ALDH9A1: variants seen among roughly 807,000 people sequenced by gnomAD.
ALDH9A1 encodes aldehyde dehydrogenase 9 family member A1.
Under a neutral mutation model 56.6 loss-of-function variants are expected in ALDH9A1, and 42 were observed. The observed-to-expected ratio is 0.74, with a 90% CI of 0.58 to 0.96. The LOEUF (loss-of-function observed/expected upper bound fraction) is 0.96, where lower values mean the gene tolerates loss of function less well. ALDH9A1 is among the 40% of genes least tolerant of loss of function. The pLI, the probability that ALDH9A1 is intolerant of heterozygous loss-of-function variation, is 0.00. For missense variants in ALDH9A1, 661 were observed against 651.5 expected (o/e 1.01, Z -0.16); for synonymous variants, 242 against 236.0 (o/e 1.03, Z -0.23).
At chr1:165,690,451 T>G (rs550773605) in intron 2 of ALDH9A1, among the ~76,000 whole-genome samples, 1 of 152,260 alleles carries the variant, frequency 6.6e-6, no homozygotes, top group South Asian at 2.1e-4. Context: ...GAGTCCAGAA[T>G]CAAGATGGCC....
chr1:165,695,169 T>C (rs2101760182), intron 2 of ALDH9A1, 83 bp downstream of exon 2: 2 of 1,433,382 alleles, frequency 1.4e-6, no homozygotes, highest in Non-Finnish European at 1.9e-6. Flanking sequence ...CGGCCTAATG[T>C]TGCAACAAAG....
intron 2 of ALDH9A1, among the ~76,000 whole-genome samples, chr1:165,684,842 A>G (rs919692478): frequency 3.3e-5 from 5 of 151,680 alleles, no homozygotes; most frequent in Non-Finnish European, 5.9e-5. Flanking sequence ...GAGAATAGAA[A>G]CTTTTACTCT....
intron 6 of ALDH9A1, among the ~76,000 whole-genome samples, chr1:165,677,516 G>A (rs749032377): frequency 8.5e-5 from 13 of 152,088 alleles, no homozygotes; most frequent in Non-Finnish European, 1.8e-4. Flanking sequence ...ATATCAAAAG[G>A]TCACGGAAAG....
At chr1:165,673,110 A>AAC in intron 6 of ALDH9A1, among the ~76,000 whole-genome samples, 1 of 124,118 alleles carries the variant, frequency 8.1e-6, no homozygotes. Flanking sequence ...GCAAAAAAAA[A>AAC]AAAAAAAAAC....
At chr1:165,681,978 A>C in intron 4 of ALDH9A1, 129 bp downstream of exon 4, 3 of 1,281,496 alleles carry the variant, frequency 2.3e-6, no homozygotes, top group Non-Finnish European at 3.2e-6. Flanking sequence ...TGAGGCTTTG[A>C]ATATCCCAGA....
rs867115485 is a variant in ALDH9A1, at chr1:165,679,507, A to AG, written c.864dup (p.Ser289LeufsTer4). On this transcript the variant is annotated frameshift_variant, in exon 6 of 11. Transcript: ENST00000354775. LOFTEE classifies it high-confidence loss of function. The stretch of plus-strand genomic sequence containing the variant: ...ACAGCATTGTTCATATCACAGTCTG[A>AG]GAAGATGATGAGTGGAGATTTGCCT... The AG allele has an allele frequency of 1.9e-6, 3 of 1,614,076 alleles. No homozygotes were observed. Among genetic ancestry groups the AG allele is most frequent in the Non-Finnish European group, 2.5e-6 (3 of 1,180,032 alleles).
In ALDH9A1 at chr1:165,662,996, C is replaced by A; in HGVS notation, c.*54G>T. 2 of 1,488,352 alleles carry A rather than the reference C, an allele frequency of 1.3e-6. No individual in the cohort carries two copies. Among genetic ancestry groups the A allele is most frequent in the Non-Finnish European group, 1.9e-6 (2 of 1,065,796 alleles). The allele number at this position is 1,488,352 out of a possible 1,614,324, so 92.2% of individuals were successfully genotyped here. On this transcript the variant is annotated 3_prime_UTR_variant, in exon 11 of 11. Coordinates refer to ENST00000354775, the MANE Select transcript of ALDH9A1 (RefSeq NM_000696.4). Reference sequence around the variant, plus strand: ...AGTTGTACTGCCTCTGTAAACAGGGCCAATTCACATCATTCCACAGCGTGG... The same window carrying A: ...AGTTGTACTGCCTCTGTAAACAGGGACAATTCACATCATTCCACAGCGTGG...
Position 165,695,326 on chromosome 1 carries a change from C to A in ALDH9A1, c.253G>T (p.Ala85Ser). The A allele has an allele frequency of 6.2e-7, 1 of 1,613,342 alleles. No individual in the cohort carries two copies. Among genetic ancestry groups the A allele is most frequent in the Non-Finnish European group, 8.5e-7 (1 of 1,179,644 alleles). The change falls in exon 2 of 11, where the codon GCT (alanine) becomes TCT (serine). Residue 85 changes from alanine to serine, a missense_variant. Ala to Ser is a moderately conservative substitution (Grantham distance 99, BLOSUM62 1). Coordinates refer to ENST00000354775, the MANE Select transcript of ALDH9A1 (RefSeq NM_000696.4). ...VNLAVQNAKA[A>S]FKIWSQKSGM... The stretch of plus-strand genomic sequence containing the variant: ...GATTTTTGACTCCATATTTTAAAAG[C>A]AGCCTTTGCATTTTGAACAGCCAAA...
In ALDH9A1 at chr1:165,665,051, C is replaced by G; in HGVS notation, c.1429G>C (p.Val477Leu). The G allele has an allele frequency of 1.9e-6, 3 of 1,614,014 alleles. No individual in the cohort carries two copies. Among genetic ancestry groups the G allele is most frequent in the Non-Finnish European group, 2.5e-6 (3 of 1,179,924 alleles). Residue 477 changes from valine to leucine, a missense_variant, in exon 10 of 11, where the codon GTG becomes CTG. Val to Leu is a conservative substitution (Grantham distance 32, BLOSUM62 1). Transcript: ENST00000354775. Reference sequence around the variant, plus strand: ...TTATATCCACCAAAGGGCAACTCCACTGGGCTGACGTTATAGTTGTTAATG... The same window carrying G: ...TTATATCCACCAAAGGGCAACTCCAGTGGGCTGACGTTATAGTTGTTAATG... ...CFINNYNVSP[V>L]ELPFGGYKKS...
rs1571175018 is a variant in ALDH9A1, at chr1:165,679,666, T to C, written c.790-84A>G. On this transcript the variant is annotated intron_variant, in intron 5 of 10. Coordinates refer to ENST00000354775, the MANE Select transcript of ALDH9A1 (RefSeq NM_000696.4). The stretch of plus-strand genomic sequence containing the variant: ...TCAACTAGGCCCTGAACCTACAAAA[T>C]CATCTTGAACTGTTTGTGACCTGTA... The C allele has an allele frequency of 2.8e-6, 4 of 1,436,982 alleles. No homozygotes were observed. In the African/African-American group the frequency reaches 4.2e-5, roughly 15 times the overall value. The allele number at this position is 1,436,982 out of a possible 1,614,324, so 89.0% of individuals were successfully genotyped here. A position where few individuals can be genotyped will look rare whatever the true frequency, so the allele number is the denominator to read the frequency against.
rs1648971922 is a variant in ALDH9A1 at position 165,665,236 on chromosome 1, T to C, written c.1350-106A>G. On this transcript the variant is annotated intron_variant, in intron 9 of 10. Coordinates refer to ENST00000354775, the MANE Select transcript of ALDH9A1 (RefSeq NM_000696.4). ...CTAGGGTTCTCAAATCTTACTAAAT[T>C]CTCATTTCTTCAAAATGTTTTAAAA... is the stretch of plus-strand genomic sequence containing the variant. 17 of 842,096 alleles carry C rather than the reference T, an allele frequency of 2.0e-5. No homozygotes were observed. In the South Asian group the frequency reaches 2.8e-4, roughly 14 times the overall value. The allele number at this position is 842,096 out of a possible 1,614,324, so 52.2% of individuals were successfully genotyped here.
intron 6 of ALDH9A1, among the ~76,000 whole-genome samples, chr1:165,674,485 G>A (rs1429816247): frequency 3.3e-5 from 5 of 151,808 alleles, no homozygotes; most frequent in Admixed American, 2.0e-4. Flanking sequence ...TCAGGAGTTC[G>A]AGACCAGCCT....
intron 10 of ALDH9A1, among the ~76,000 whole-genome samples, chr1:165,664,038 A>G (rs757014698): frequency 4.6e-5 from 7 of 152,224 alleles, no homozygotes; most frequent in Non-Finnish European, 1.0e-4. Context: ...GGACTATCAG[A>G]AACTTAACAT....
At chr1:165,679,903 C>T (rs936622576) in intron 5 of ALDH9A1, among the ~76,000 whole-genome samples, 4 of 152,102 alleles carry the variant, frequency 2.6e-5, no homozygotes, top group Non-Finnish European at 5.9e-5. Context: ...GTCTCAGCTT[C>T]TTAGGAGGCT....
chr1:165,675,562 T>C (rs561956624), intron 6 of ALDH9A1, among the ~76,000 whole-genome samples: 2 of 152,294 alleles, frequency 1.3e-5, no homozygotes, highest in East Asian at 3.9e-4. Flanking sequence ...AAGGAGGCAC[T>C]GGAAACAGAG....
chr1:165,678,696 G>A (rs6426930), intron 6 of ALDH9A1, among the ~76,000 whole-genome samples: 110,553 of 152,164 alleles, frequency 0.73, 40,631 homozygotes, highest in East Asian at 0.99. Flanking sequence ...TTTACAGTGA[G>A]GACTTACCTT....
At chr1:165,665,217 T>C in intron 9 of ALDH9A1, 87 bp from the exon 10 acceptor site, 1 of 964,042 alleles carries the variant, frequency 1.0e-6, no homozygotes, top group South Asian at 1.5e-5. Flanking sequence ...AGTTCTAGGG[T>C]TCTCAAATCT....
intron 2 of ALDH9A1, among the ~76,000 whole-genome samples, chr1:165,683,672 A>T (rs1259459131): frequency 1.3e-5 from 2 of 152,212 alleles, no homozygotes; most frequent in Non-Finnish European, 2.9e-5. Flanking sequence ...TCACCCAAAG[A>T]ATTGCAGCAT....
chr1:165,683,003 C>G lies in ALDH9A1; in HGVS notation c.435G>C (p.Ala145=), dbSNP rs747940025. 8 of 1,613,830 alleles carry G rather than the reference C, an allele frequency of 5.0e-6. No homozygotes were observed. Among genetic ancestry groups the G allele is most frequent in the African/African-American group, 2.7e-5 (2 of 74,880 alleles). ...TACCAGCCATGGATGCAGCCAAGCC[C>G]GCATAATACTCCAGGCACTGCCAGG... ...DISWQCLEYY[A]GLAASMAGEH... The change falls in exon 3 of 11, where the codon GCG becomes GCC. Residue 145 remains alanine, a synonymous_variant. Coordinates refer to ENST00000354775, the MANE Select transcript of ALDH9A1 (RefSeq NM_000696.4).
Sources: gnomAD v4.1 joint callset for allele counts (sites outside exome capture counted in the v4.1 genomes callset) on GRCh38, gnomAD v4.1.1 for gene constraint, MANE v1.5 for transcripts, NCBI Gene and HGNC (gene_info 2026-07-23, HGNC 2026-07-21) for gene names.